The following ZNF14 variants were observed in gnomAD, a reference collection of about 807,000 sequenced individuals.
ZNF14 encodes zinc finger protein 14.
ZNF14 carries 9 observed loss-of-function variants against 11.3 expected under a neutral mutation model. The ratio of observed to expected loss-of-function variants is 0.80; its 90% confidence interval spans 0.48 to 1.39. The LOEUF is 1.39. ZNF14 is among the 40% of genes most tolerant of loss of function. ZNF14 has a pLI of 0.00. For synonymous variants in ZNF14, 239 were observed against 245.7 expected, an observed-to-expected ratio of 0.97 and a Z score of 0.25; for missense variants, 711 against 763.9, an observed-to-expected ratio of 0.93 and a Z score of 0.82.
chr19:19,722,566 G>A (rs1358926365), intron 1 of ZNF14, among the ~76,000 whole-genome samples: 2 of 152,032 alleles, frequency 1.3e-5, no homozygotes, highest in African/African-American at 4.8e-5. Flanking sequence ...GCTCTTTTTT[G>A]GTTCCATATG....
At chr19:19,731,264 A>C (rs917084454) in intron 1 of ZNF14, among the ~76,000 whole-genome samples, 5 of 152,190 alleles carry the variant, frequency 3.3e-5, no homozygotes, top group Admixed American at 1.3e-4. Flanking sequence ...CCAAACTGAC[A>C]TATCAGCATC....
chr19:19,723,089 C>T (rs1479495292), intron 1 of ZNF14, among the ~76,000 whole-genome samples: 2 of 152,148 alleles, frequency 1.3e-5, no homozygotes. Flanking sequence ...TGCCTGATTG[C>T]CCTGGCCAGA....
At position 19,729,732 on chromosome 19, in the gene ZNF14, TA is replaced by T. The variant is rs925993527; in HGVS notation, c.3+3223del. Among the ~76,000 whole-genome samples the T allele has an allele frequency of 1.3e-4, 20 of 151,428 alleles. 1 individual carries two copies. The highest frequency in any genetic ancestry group is 1.2e-3 in the East Asian group (6 of 5,168). On this transcript the variant is annotated intron_variant, in intron 1 of 3. Coordinates refer to ENST00000344099, the MANE Select transcript of ZNF14 (RefSeq NM_021030.3). Reference sequence around the variant, plus strand: ...TTAAACACCACAACTGAGAAACTTATAAAAAAAAATGTACAGAATCACCCAA... The same window carrying T: ...TTAAACACCACAACTGAGAAACTTATAAAAAAAATGTACAGAATCACCCAA...
At chr19:19,731,545 C>T (rs565290239) in intron 1 of ZNF14, among the ~76,000 whole-genome samples, 7 of 152,168 alleles carry the variant, frequency 4.6e-5, no homozygotes, top group African/African-American at 1.7e-4. Context: ...CGTTGCACTC[C>T]AGCCTGGGCG....
chr19:19,711,503 C>G lies in ZNF14; in HGVS notation c.1778G>C (p.Gly593Ala). 1 of 1,613,804 alleles carries G rather than the reference C, an allele frequency of 6.2e-7. No homozygotes were observed. Among genetic ancestry groups the G allele is most frequent in the Non-Finnish European group, 8.5e-7 (1 of 1,179,916 alleles). The change falls in exon 4 of 4, where the codon GGG becomes GCG. Residue 593 changes from glycine to alanine, a missense_variant. Physicochemically the swap from Gly to Ala is moderately conservative, Grantham distance 60. Transcript: ENST00000344099. ...AGAACTTGAAAATCTGAAGGCTTTCCCACATTGTTTACATCGATAGGGTTT... is the reference window on the plus strand; with the variant it reads ...AGAACTTGAAAATCTGAAGGCTTTCGCACATTGTTTACATCGATAGGGTTT... ...GEKPYRCKQC[G>A]KAFRFSSSVR...
Position 19,711,903 on chromosome 19 carries a change from T to C in ZNF14, c.1378A>G (p.Ser460Gly), listed in dbSNP as rs199546361. ...GACCTTTCATGAATTCGAAAATAACTTGAACACCTGAAGGCTTTCCCACAC... is the reference window on the plus strand; with the variant it reads ...GACCTTTCATGAATTCGAAAATAACCTGAACACCTGAAGGCTTTCCCACAC... ...KQCGKAFRCSSYFRIHERSHT... is the reference protein window; with the variant it reads ...KQCGKAFRCSGYFRIHERSHT... Residue 460 changes from serine to glycine, a missense_variant, in exon 4 of 4, where the codon AGT becomes GGT. Coordinates refer to ENST00000344099, the MANE Select transcript of ZNF14 (RefSeq NM_021030.3). The C allele has an allele frequency of 7.4e-6, 12 of 1,613,910 alleles. No individual in the cohort carries two copies. The Admixed American group carries it at 1.7e-4, about 22-fold the overall frequency.
At chr19:19,729,610 C>G (rs1219556236) in intron 1 of ZNF14, among the ~76,000 whole-genome samples, 1 of 152,160 alleles carries the variant, frequency 6.6e-6, no homozygotes, top group East Asian at 1.9e-4. Context: ...GCCACCACAC[C>G]TGGGCCTACA....
chr19:19,729,127 C>T (rs1160973750), intron 1 of ZNF14, among the ~76,000 whole-genome samples: 1 of 151,942 alleles, frequency 6.6e-6, no homozygotes, highest in East Asian at 1.9e-4. Context: ...AAGGCACCCA[C>T]CACCACACCC....
intron 1 of ZNF14, among the ~76,000 whole-genome samples, chr19:19,724,545 G>A (rs1182762697): frequency 7.5e-6 from 1 of 134,040 alleles, no homozygotes; most frequent in Non-Finnish European, 1.7e-5. Context: ...ATGCTGAGAA[G>A]AATGTACATT....
chr19:19,724,720 C>A (rs2062402081), intron 1 of ZNF14, among the ~76,000 whole-genome samples: 1 of 132,912 alleles, frequency 7.5e-6, no homozygotes, highest in Non-Finnish European at 1.7e-5. Flanking sequence ...GAGTCTAAGT[C>A]TCTTTGTAGG....
rs1171093397 is a variant in ZNF14 at position 19,712,951 on chromosome 19, T to C, written c.330A>G (p.Arg110=). 6.2e-7 allele frequency: 1 copy of C among 1,614,178 alleles called. No homozygotes were observed. Among genetic ancestry groups the C allele is most frequent in the East Asian group, 2.2e-5 (1 of 44,878 alleles). Reference sequence around the variant, plus strand: ...TAAGGGACGAATGATGAATGAAGTCTCTTCCACAAAAGCTGCATTCATGTG... The same window carrying C: ...TAAGGGACGAATGATGAATGAAGTCCCTTCCACAAAAGCTGCATTCATGTG... The part of the protein sequence containing the change: ...AKPHECSFCG[R]DFIHHSSLNR... The change falls in exon 4 of 4, where the codon AGA becomes AGG. Residue 110 remains arginine (R), a synonymous_variant. Coordinates refer to ENST00000344099, the MANE Select transcript of ZNF14 (RefSeq NM_021030.3).
rs572446668 is a variant in ZNF14, at chr19:19,710,572, TCAACAA to T, written c.*774_*779del. 1.3e-5 allele frequency: 2 copies of T among 152,240 alleles called. No homozygotes were observed. The highest frequency in any genetic ancestry group is 2.9e-5 in the Non-Finnish European group (2 of 68,030). 9.4% of individuals were successfully genotyped at this position (152,240 alleles called of 1,614,324 possible). ...ATTAAATGAAAATATTTTTGTATCA[TCAACAA>T]CAACAAAAGAACTAGGATGAAGAAT... On this transcript the variant is annotated 3_prime_UTR_variant, in exon 4 of 4. Transcript: ENST00000344099.
At chr19:19,728,912 AT>A (rs2062414571) in intron 1 of ZNF14, among the ~76,000 whole-genome samples, 1 of 152,302 alleles carries the variant, frequency 6.6e-6, no homozygotes, top group Non-Finnish European at 1.5e-5. Context: ...CAGAACCACA[AT>A]TCTTTGACAG....
At chr19:19,730,233 G>T (rs1283676646) in intron 1 of ZNF14, among the ~76,000 whole-genome samples, 1 of 151,922 alleles carries the variant, frequency 6.6e-6, no homozygotes, top group African/African-American at 2.4e-5. Flanking sequence ...CACTATGTTG[G>T]TCAGGGTGGT....
intron 1 of ZNF14, among the ~76,000 whole-genome samples, chr19:19,717,440 G>T (rs192054191): frequency 6.6e-6 from 1 of 152,152 alleles, no homozygotes; most frequent in East Asian, 1.9e-4. Flanking sequence ...ATTTATGAAG[G>T]TCCCAACACA....
intron 3 of ZNF14, 53 bp downstream of exon 3, chr19:19,714,038 C>T: frequency 2.7e-6 from 4 of 1,469,706 alleles, no homozygotes; most frequent in Non-Finnish European, 2.8e-6. Context: ...GTTTTGCTTG[C>T]TTTCTTTTGA....
Position 19,733,102 on chromosome 19 carries a change from A to T in ZNF14, c.-144T>A. Reference sequence around the variant, plus strand: ...ATCTTCCCATGGGCCAGGAATGGCGACGTCCGCACTGCGCAGGCCCAGCGT... The same window carrying T: ...ATCTTCCCATGGGCCAGGAATGGCGTCGTCCGCACTGCGCAGGCCCAGCGT... On this transcript the variant is annotated 5_prime_UTR_variant, in exon 1 of 4. Transcript: ENST00000344099. The T allele has an allele frequency of 6.9e-6, 7 of 1,021,084 alleles. No homozygotes were observed. The highest frequency in any genetic ancestry group is 1.0e-5 in the Non-Finnish European group (7 of 694,442). 63.3% of individuals were successfully genotyped at this position (1,021,084 alleles called of 1,614,324 possible). A position where few individuals can be genotyped will look rare whatever the true frequency, so the allele number is the denominator to read the frequency against.
intron 1 of ZNF14, among the ~76,000 whole-genome samples, chr19:19,729,690 G>C (rs763462827): frequency 6.6e-6 from 1 of 152,010 alleles, no homozygotes; most frequent in Non-Finnish European, 1.5e-5. Flanking sequence ...AAATATACTT[G>C]TTTTCAAGGG....
chr19:19,720,590 G>A lies in ZNF14; in HGVS notation c.4-6103C>T, dbSNP rs1030572557. ...GGTCCTGACCTCAAGTGATCTGTCC[G>A]CCTCGGCCTCCCAAAGTGCTGGGAT... On this transcript the variant is annotated intron_variant, in intron 1 of 3. Coordinates refer to ENST00000344099, the MANE Select transcript of ZNF14 (RefSeq NM_021030.3). The surrounding 1 kb of genome is among the most constrained non-coding windows in gnomAD (Gnocchi z 4.1). Among the ~76,000 whole-genome samples, 1 of 152,012 alleles carries A rather than the reference G, an allele frequency of 6.6e-6. No homozygotes were observed. Among genetic ancestry groups the A allele is most frequent in the African/African-American group, 2.4e-5 (1 of 41,390 alleles).
Sources: allele counts gnomAD v4.1 joint callset (sites outside exome capture counted in the v4.1 genomes callset), GRCh38; gene constraint gnomAD v4.1.1; non-coding constraint Gnocchi (gnomAD v3.1); transcripts MANE v1.5; gene names NCBI Gene and HGNC (gene_info 2026-07-23, HGNC 2026-07-21).